The following MMD2 variants were observed in gnomAD, a reference collection of about 807,000 sequenced individuals.
MMD2 encodes the protein monocyte to macrophage differentiation factor 2.
Under a neutral mutation model 33.5 loss-of-function variants are expected in MMD2, and 30 were observed. The observed-to-expected ratio is 0.90, with a 90% CI of 0.67 to 1.22. The LOEUF (loss-of-function observed/expected upper bound fraction) is 1.22. MMD2 is among the 50% of genes most tolerant of loss of function. The probability of loss-of-function intolerance (pLI) is 0.00; values close to 1 mark genes in which losing one functional copy is unlikely to be tolerated. For synonymous variants in MMD2, 129 were observed against 123.0 expected (o/e 1.05, Z -0.32); for missense variants, 364 against 325.4 (o/e 1.12, Z -0.91).
At chr7:4,920,466 G>A (rs542060734) in intron 2 of MMD2, 135 bp from the exon 3 acceptor site, 17 of 801,056 alleles carry the variant, frequency 2.1e-5, no homozygotes, top group South Asian at 7.4e-5. Context: ...ACTGAAGAAC[G>A]GAATCATTTT....
chr7:4,915,633 G>C lies in MMD2; in HGVS notation c.365+372C>G, dbSNP rs183658433. On this transcript the variant is annotated intron_variant, in intron 4 of 6. Transcript: ENST00000401401. ...CGCGTGCCTGTAATCCCAGCTACTC[G>C]GGAGGCAGAGGCAGGAGAATCGCTT... Among the ~76,000 whole-genome samples the C allele has an allele frequency of 1.7e-3, 253 of 151,882 alleles. 1 individual carries two copies. The highest frequency in any genetic ancestry group is 5.5e-3 in the African/African-American group (227 of 41,434).
downstream of MMD2, among the ~76,000 whole-genome samples, chr7:4,902,243 C>G (rs576495797): frequency 1.4e-4 from 22 of 152,306 alleles, no homozygotes; most frequent in African/African-American, 5.1e-4. Flanking sequence ...AGAGCCACCA[C>G]GCCCCACCAA....
chr7:4,951,060 G>A (rs1786229081), intron 1 of MMD2, among the ~76,000 whole-genome samples: 2 of 151,976 alleles, frequency 1.3e-5, no homozygotes, highest in Non-Finnish European at 2.9e-5. Context: ...GCCCTGAAGG[G>A]TTTGTAGGTC....
At chr7:4,908,370 G>C (rs896579299) in intron 6 of MMD2, among the ~76,000 whole-genome samples, 3 of 151,842 alleles carry the variant, frequency 2.0e-5, no homozygotes, top group African/African-American at 7.2e-5. Flanking sequence ...TCCAACTCCT[G>C]ACCTGAGGTG....
chr7:4,945,240 C>CTTCT (rs1491481447), intron 1 of MMD2, among the ~76,000 whole-genome samples: 162 of 16,582 alleles, frequency 9.8e-3, no homozygotes, highest in Non-Finnish European at 0.013. Context: ...CTTCTTCTTC[C>CTTCT]TCTCTCTCTT....
At chr7:4,929,482 C>T (rs1785518105) in intron 1 of MMD2, among the ~76,000 whole-genome samples, 1 of 152,078 alleles carries the variant, frequency 6.6e-6, no homozygotes, top group South Asian at 2.1e-4. Flanking sequence ...CTGCCTGTGG[C>T]CAAGACTGGC....
intron 1 of MMD2, among the ~76,000 whole-genome samples, chr7:4,947,280 C>A (rs112288497): frequency 1.3e-5 from 2 of 151,944 alleles, no homozygotes; most frequent in African/African-American, 4.8e-5. Flanking sequence ...GGAAGCATGG[C>A]GGCTTCTGCT....
At chr7:4,895,659 C>G in the MMD2 span, among the ~76,000 whole-genome samples, 1 of 152,114 alleles carries the variant, frequency 6.6e-6, no homozygotes, top group Non-Finnish European at 1.5e-5. Flanking sequence ...GACTCAGCCT[C>G]CGGAGTAGCT....
chr7:4,895,475 G>A, the MMD2 span, among the ~76,000 whole-genome samples: 1 of 152,142 alleles, frequency 6.6e-6, no homozygotes, highest in Non-Finnish European at 1.5e-5. Context: ...CAGCGGTTTT[G>A]ACTTAGGGCT....
chr7:4,892,251 A>G, the MMD2 span, among the ~76,000 whole-genome samples: 1 of 152,176 alleles, frequency 6.6e-6, no homozygotes, highest in Non-Finnish European at 1.5e-5. Flanking sequence ...CATAGACGAT[A>G]AATACAAACA....
At position 4,907,441 on chromosome 7, in the gene MMD2, C is replaced by T. The variant is rs778147728; in HGVS notation, c.696G>A (p.Arg232=). ...GCAGGGTGCTGGGCAGATAGAGGTACCTCCAGATGGCATAGTAGTGGGTAC... is the reference window on the plus strand; with the variant it reads ...GCAGGGTGCTGGGCAGATAGAGGTATCTCCAGATGGCATAGTAGTGGGTAC... ...GAGTHYYAIW[R]YLYLPSTLQT... is the part of the protein sequence containing the mutation. Residue 232 remains arginine (R), a synonymous_variant, in exon 7 of 7, where the codon AGG becomes AGA. Transcript: ENST00000401401. The T allele has an allele frequency of 3.1e-6, 5 of 1,613,832 alleles. No homozygotes were observed. The highest frequency in any genetic ancestry group is 2.5e-6 in the Non-Finnish European group (3 of 1,179,908).
rs929474054 is a variant in MMD2, at chr7:4,946,232, C to G, written c.47+12739G>C. On this transcript the variant is annotated intron_variant, in intron 1 of 6. Transcript: ENST00000401401. This position sits in a 1 kb window ranked among gnomAD's most constrained non-coding sequence, Gnocchi z 5.0. ...ATGCACACACATGCACACATACACGCACACACACGCACACCCCACCCCGTG... is the reference window on the plus strand; with the variant it reads ...ATGCACACACATGCACACATACACGGACACACACGCACACCCCACCCCGTG... 1.3e-5 allele frequency among the ~76,000 whole-genome samples: 2 copies of G among 152,108 alleles called. No individual in the cohort carries two copies. Among genetic ancestry groups the G allele is most frequent in the African/African-American group, 4.8e-5 (2 of 41,432 alleles).
At chr7:4,901,734 T>C (rs913200094), downstream of MMD2, among the ~76,000 whole-genome samples, 1 of 152,184 alleles carries the variant, frequency 6.6e-6, no homozygotes, top group African/African-American at 2.4e-5. Context: ...CAACTTCACA[T>C]CCCTGGCTTC....
the MMD2 span, among the ~76,000 whole-genome samples, chr7:4,896,953 G>A: frequency 4.0e-5 from 6 of 151,826 alleles, no homozygotes; most frequent in Non-Finnish European, 7.4e-5. Flanking sequence ...TCCACCTCCC[G>A]GGTTCAAGTG....
At chr7:4,909,809 A>T in intron 6 of MMD2, 72 bp downstream of exon 6, 1 of 1,550,358 alleles carries the variant, frequency 6.5e-7, no homozygotes, top group Non-Finnish European at 8.7e-7. Context: ...TGACAATCTC[A>T]ACAGCCAGGT....
At chr7:4,918,852 C>A (rs1258608680) in intron 3 of MMD2, among the ~76,000 whole-genome samples, 1 of 151,832 alleles carries the variant, frequency 6.6e-6, no homozygotes, top group Non-Finnish European at 1.5e-5. Context: ...AATCCCGGCA[C>A]TTTGGGAAGC....
chr7:4,951,316 T>C (rs958057779), intron 1 of MMD2, among the ~76,000 whole-genome samples: 4 of 152,116 alleles, frequency 2.6e-5, no homozygotes, highest in African/African-American at 9.6e-5. Flanking sequence ...CCCTTAATGG[T>C]GCCATAGAGC....
chr7:4,897,687 C>T, the MMD2 span, among the ~76,000 whole-genome samples: 2 of 152,120 alleles, frequency 1.3e-5, no homozygotes, highest in Non-Finnish European at 2.9e-5. Flanking sequence ...CAGAGTAGCC[C>T]TTCCAACACT....
At chr7:4,953,547 T>C (rs1230836026) in intron 1 of MMD2, among the ~76,000 whole-genome samples, 4 of 151,232 alleles carry the variant, frequency 2.6e-5, no homozygotes, top group Non-Finnish European at 5.9e-5. Flanking sequence ...CTTGGCTCAC[T>C]GCAACCTCTG....
Sources: allele counts gnomAD v4.1 joint callset (sites outside exome capture counted in the v4.1 genomes callset), GRCh38; gene constraint gnomAD v4.1.1; non-coding constraint Gnocchi (gnomAD v3.1); transcripts MANE v1.5; gene names NCBI Gene and HGNC (gene_info 2026-07-23, HGNC 2026-07-21).